RNF150: variants seen among roughly 807,000 people sequenced by gnomAD.
RNF150 encodes the protein ring finger protein 150.
A neutral mutation model predicts 39.3 loss-of-function variants in RNF150; 24 were observed. The observed-to-expected ratio is 0.61, with a 90% CI of 0.44 to 0.86. RNF150 has a LOEUF of 0.86. Ranked by LOEUF, RNF150 falls within the 40% of genes least tolerant of loss-of-function variation. RNF150 has a pLI of 0.00. For synonymous variants in RNF150, 255 were observed against 227.3 expected (o/e 1.12, Z -1.10); for missense variants, 502 against 587.8 (o/e 0.85, Z 1.51).
At chr4:141,040,783 A>G (rs1736327954) in intron 1 of RNF150, among the ~76,000 whole-genome samples, 1 of 152,178 alleles carries the variant, frequency 6.6e-6, no homozygotes, top group Non-Finnish European at 1.5e-5. Flanking sequence ...AATGCTCAAC[A>G]AGTATGGTCA....
At chr4:140,932,156 T>C (rs1453185370) in intron 4 of RNF150, among the ~76,000 whole-genome samples, 1 of 152,208 alleles carries the variant, frequency 6.6e-6, no homozygotes, top group Non-Finnish European at 1.5e-5. Flanking sequence ...GAGAATCCCA[T>C]ACTCCCAGGC....
intron 2 of RNF150, among the ~76,000 whole-genome samples, chr4:140,951,479 T>C (rs1337723994): frequency 6.6e-6 from 1 of 151,904 alleles, no homozygotes; most frequent in East Asian, 1.9e-4. Flanking sequence ...GTTTAATTTA[T>C]AATCTAGTGA....
chr4:141,136,812 A>G (rs1189615694), upstream of RNF150, among the ~76,000 whole-genome samples: 1 of 152,238 alleles, frequency 6.6e-6, no homozygotes, highest in Non-Finnish European at 1.5e-5. Context: ...AGATAATGAC[A>G]TCTGCTATGA....
intron 1 of RNF150, among the ~76,000 whole-genome samples, chr4:141,209,403 A>G (rs1197301797): frequency 3.3e-5 from 5 of 152,180 alleles, no homozygotes; most frequent in Non-Finnish European, 7.3e-5. Flanking sequence ...GTAACAGTTT[A>G]TTAATCCAGT....
intron 4 of RNF150, among the ~76,000 whole-genome samples, chr4:140,936,588 G>A (rs916910228): frequency 3.3e-5 from 5 of 151,902 alleles, no homozygotes; most frequent in Non-Finnish European, 7.4e-5. Flanking sequence ...AAGTAAGGAG[G>A]AAGAGATAAG....
intron 1 of RNF150, among the ~76,000 whole-genome samples, chr4:141,107,672 G>A (rs1739257982): frequency 6.6e-6 from 1 of 152,134 alleles, no homozygotes; most frequent in Non-Finnish European, 1.5e-5. Context: ...ATCTGACAAT[G>A]CTCCCATTCC....
intron 5 of RNF150, among the ~76,000 whole-genome samples, chr4:140,917,813 T>TG (rs1484764401): frequency 2.0e-5 from 3 of 149,506 alleles, no homozygotes; most frequent in Non-Finnish European, 4.5e-5. Flanking sequence ...TCAGCAAATG[T>TG]AAAGTAACAG....
intron 1 of RNF150, among the ~76,000 whole-genome samples, chr4:141,188,558 T>C (rs1728053213): frequency 6.6e-6 from 1 of 152,198 alleles, no homozygotes; most frequent in African/African-American, 2.4e-5. Context: ...TTTCAGTCTT[T>C]TTTCTCTAAT....
chr4:141,186,565 T>C (rs1431036193), intron 1 of RNF150, among the ~76,000 whole-genome samples: 1 of 125,764 alleles, frequency 8.0e-6, no homozygotes, highest in African/African-American at 2.5e-5. Context: ...TGCCCGGCTA[T>C]TTTTTTGTAT....
intron 1 of RNF150, among the ~76,000 whole-genome samples, chr4:141,196,443 G>A (rs1278973232): frequency 6.6e-6 from 1 of 152,128 alleles, no homozygotes; most frequent in Non-Finnish European, 1.5e-5. Flanking sequence ...CCCAGTGTCA[G>A]CAGTAATTTG....
At chr4:141,046,769 C>T (rs752560679) in intron 1 of RNF150, among the ~76,000 whole-genome samples, 14 of 152,108 alleles carry the variant, frequency 9.2e-5, no homozygotes, top group South Asian at 2.1e-4. Context: ...CTCCCTCATA[C>T]GATCTCACAA....
At chr4:141,034,441 T>TA (rs1230188820) in intron 1 of RNF150, among the ~76,000 whole-genome samples, 1 of 152,208 alleles carries the variant, frequency 6.6e-6, no homozygotes, top group East Asian at 1.9e-4. Flanking sequence ...AATGGTGTTT[T>TA]GCTTTCTTAT....
intron 1 of RNF150, among the ~76,000 whole-genome samples, chr4:141,085,919 C>G (rs1477140422): frequency 6.6e-6 from 1 of 151,948 alleles, no homozygotes. Context: ...AATGCCATTT[C>G]AGTGGGAGGA....
intron 1 of RNF150, among the ~76,000 whole-genome samples, chr4:140,989,720 C>T (rs1325987673): frequency 1.3e-5 from 2 of 151,860 alleles, no homozygotes; most frequent in Non-Finnish European, 2.9e-5. Context: ...AATTGAAGGA[C>T]CAAATCACTA....
chr4:141,202,106 T>C (rs1198949235), intron 1 of RNF150, among the ~76,000 whole-genome samples: 1 of 152,284 alleles, frequency 6.6e-6, no homozygotes, highest in East Asian at 1.9e-4. Flanking sequence ...AAAATAAGTT[T>C]CTGTTGTTTG....
chr4:140,924,106 A>T (rs1731283613), intron 5 of RNF150, among the ~76,000 whole-genome samples: 1 of 152,154 alleles, frequency 6.6e-6, no homozygotes, highest in South Asian at 2.1e-4. Context: ...ATGTATCCTA[A>T]AACTTAAAGT....
chr4:141,115,178 A>G (rs1213180639), intron 1 of RNF150, among the ~76,000 whole-genome samples: 1 of 152,222 alleles, frequency 6.6e-6, no homozygotes, highest in Non-Finnish European at 1.5e-5. Context: ...AGTGTATTCA[A>G]ACAGGAAGAG....
At chr4:141,175,853 C>G (rs1490073227) in intron 1 of RNF150, among the ~76,000 whole-genome samples, 1 of 152,070 alleles carries the variant, frequency 6.6e-6, no homozygotes, top group African/African-American at 2.4e-5. Context: ...TTGTGACAGA[C>G]AGCAGAGAGG....
At chr4:141,201,755 G>T (rs1728296088) in intron 1 of RNF150, among the ~76,000 whole-genome samples, 1 of 151,578 alleles carries the variant, frequency 6.6e-6, no homozygotes, top group African/African-American at 2.4e-5. Context: ...TCTTCATTTT[G>T]CCAATGTTCC....
Sources: gnomAD v4.1 joint callset for allele counts (sites outside exome capture counted in the v4.1 genomes callset) on GRCh38, gnomAD v4.1.1 for gene constraint, MANE v1.5 for transcripts, NCBI Gene and HGNC (gene_info 2026-07-23, HGNC 2026-07-21) for gene names.